Variants in COL19A1 observed in about 807,000 individuals in gnomAD.
The protein encoded by COL19A1 is collagen alpha-1(XIX) chain.
COL19A1 carries 159 observed loss-of-function variants against 190.2 expected under a neutral mutation model. The ratio of observed to expected loss-of-function variants is 0.84; its 90% confidence interval spans 0.73 to 0.95. The LOEUF (loss-of-function observed/expected upper bound fraction) is 0.95. COL19A1 is among the 40% of genes least tolerant of loss of function. COL19A1 has a pLI of 0.00. For synonymous variants in COL19A1, 509 were observed against 458.9 expected (o/e 1.11, Z -1.39); for missense variants, 1,418 against 1,431.9 (o/e 0.99, Z 0.16).
intron 12 of COL19A1, among the ~76,000 whole-genome samples, chr6:70,028,967 G>T (rs939757999): frequency 2.6e-5 from 4 of 152,052 alleles, no homozygotes; most frequent in Admixed American, 1.3e-4. Flanking sequence ...TAGAAAAGTA[G>T]ACTTAATTGT....
chr6:70,204,509 C>G (rs1383441525), intron 49 of COL19A1, among the ~76,000 whole-genome samples: 1 of 152,176 alleles, frequency 6.6e-6, no homozygotes, highest in African/African-American at 2.4e-5. Context: ...GAAATTGTTA[C>G]ATTTGACAGG....
intron 17 of COL19A1, among the ~76,000 whole-genome samples, chr6:70,123,092 A>G (rs1369059947): frequency 6.6e-6 from 1 of 152,186 alleles, no homozygotes; most frequent in Non-Finnish European, 1.5e-5. Context: ...ATCTACAATG[A>G]ACTCAAACAA....
intron 49 of COL19A1, among the ~76,000 whole-genome samples, chr6:70,201,759 T>G (rs1042590672): frequency 6.6e-6 from 1 of 152,220 alleles, no homozygotes; most frequent in Admixed American, 6.5e-5. Flanking sequence ...ATGTGTTTCT[T>G]AAAAATATTT....
intron 1 of COL19A1, among the ~76,000 whole-genome samples, chr6:69,869,421 A>G (rs1046743425): frequency 6.6e-6 from 1 of 152,240 alleles, no homozygotes; most frequent in Non-Finnish European, 1.5e-5. Context: ...AGAGTGGACT[A>G]TTAGGCCTCT....
chr6:69,939,043 T>A, intron 9 of COL19A1, among the ~76,000 whole-genome samples: 1 of 151,982 alleles, frequency 6.6e-6, no homozygotes, highest in East Asian at 1.9e-4. Context: ...AAATGACTGA[T>A]CCCTCAAAGC....
In COL19A1 at chr6:69,899,011, T is replaced by C; in HGVS notation, c.155T>C (p.Leu52Pro). Residue 52 changes from leucine (L) to proline (P), a missense_variant, in exon 3 of 51, where the codon CTT (leucine) becomes CCT (proline). Leu to Pro is a moderately conservative substitution (Grantham distance 98, BLOSUM62 -3). Coordinates refer to ENST00000620364, the MANE Select transcript of COL19A1 (RefSeq NM_001858.6). Reference sequence around the variant, plus strand: ...CTGACATATGACAACATAAACAAACTTGAAGTTTCAGGTAGGCAATATAAT... The same window carrying C: ...CTGACATATGACAACATAAACAAACCTGAAGTTTCAGGTAGGCAATATAAT... Reference protein sequence around the residue: ...HQLTYDNINKLEVSGFDLGDS... With the variant: ...HQLTYDNINKPEVSGFDLGDS... 1.2e-6 allele frequency: 2 copies of C among 1,609,208 alleles called. No individual in the cohort carries two copies. The highest frequency in any genetic ancestry group is 1.7e-6 in the Non-Finnish European group (2 of 1,175,886).
rs760777481 is a variant in COL19A1, at chr6:70,156,320, A to G, written c.2189A>G (p.Asp730Gly). ...GKYDSMARKG[D>G]IGPRGPPGIP... Reference sequence around the variant, plus strand: ...TGTTCTTCCTCTGTCTTCTAGGGTGATATAGGGCCACGGGGTCCTCCAGGA... The same window carrying G: ...TGTTCTTCCTCTGTCTTCTAGGGTGGTATAGGGCCACGGGGTCCTCCAGGA... The change falls in exon 33 of 51, where the codon GAT (aspartate) becomes GGT (glycine). Residue 730 changes from aspartate (D) to glycine (G), a missense_variant. Physicochemically the swap from Asp to Gly is moderately conservative, Grantham distance 94. Coordinates refer to ENST00000620364, the MANE Select transcript of COL19A1 (RefSeq NM_001858.6). 8.7e-6 allele frequency: 14 copies of G among 1,613,354 alleles called. No individual in the cohort carries two copies. Among genetic ancestry groups the G allele is most frequent in the Non-Finnish European group, 1.1e-5 (13 of 1,179,572 alleles).
chr6:70,035,139 G>A (rs910735715), intron 13 of COL19A1, among the ~76,000 whole-genome samples: 1 of 152,168 alleles, frequency 6.6e-6, no homozygotes, highest in Non-Finnish European at 1.5e-5. Context: ...ACGCTATACA[G>A]TACAGGGCTT....
At chr6:70,184,997 T>C (rs561790404) in intron 46 of COL19A1, 82 bp downstream of exon 46, 7 of 1,336,206 alleles carry the variant, frequency 5.2e-6, no homozygotes, top group East Asian at 2.4e-5. Context: ...ATTATGTGTG[T>C]AGACCCCTGC....
At chr6:70,190,537 T>C (rs887497747) in intron 48 of COL19A1, among the ~76,000 whole-genome samples, 156 bp downstream of exon 48, 41 of 152,160 alleles carry the variant, frequency 2.7e-4, no homozygotes, top group African/African-American at 9.7e-4. Flanking sequence ...TTGATGAAAA[T>C]TCTTCTTTAT....
At chr6:70,153,646 T>C (rs73469859) in intron 31 of COL19A1, among the ~76,000 whole-genome samples, 30 of 149,042 alleles carry the variant, frequency 2.0e-4, no homozygotes, top group African/African-American at 3.0e-4. Context: ...TTGCTCCATA[T>C]TGATATGCCA....
intron 4 of COL19A1, among the ~76,000 whole-genome samples, chr6:69,922,466 A>G (rs1772041628): frequency 6.8e-6 from 1 of 147,030 alleles, no homozygotes; most frequent in African/African-American, 2.5e-5. Flanking sequence ...TCGAAAAATA[A>G]TTCTATTTAG....
At chr6:69,942,344 AC>A (rs1773526553) in intron 9 of COL19A1, among the ~76,000 whole-genome samples, 1 of 152,248 alleles carries the variant, frequency 6.6e-6, no homozygotes, top group African/African-American at 2.4e-5. Context: ...CATGTCCATC[AC>A]CTCAAATATT....
At chr6:70,008,334 A>G (rs1420349365) in intron 11 of COL19A1, among the ~76,000 whole-genome samples, 2 of 151,850 alleles carry the variant, frequency 1.3e-5, no homozygotes, top group African/African-American at 4.8e-5. Flanking sequence ...AAAAATTACC[A>G]GTAACTACAA....
At chr6:70,032,179 C>G (rs1779112315) in intron 12 of COL19A1, among the ~76,000 whole-genome samples, 1 of 152,080 alleles carries the variant, frequency 6.6e-6, no homozygotes, top group Non-Finnish European at 1.5e-5. Context: ...AGGCCAAAGA[C>G]TTAGACATCA....
intron 7 of COL19A1, among the ~76,000 whole-genome samples, chr6:69,935,327 T>G (rs1298222660): frequency 6.8e-6 from 1 of 147,116 alleles, no homozygotes; most frequent in Admixed American, 6.7e-5. Context: ...AGGTTTATGG[T>G]GAAGCCTGAG....
At chr6:70,145,318 A>C (rs1236125587) in intron 25 of COL19A1, among the ~76,000 whole-genome samples, 1 of 152,182 alleles carries the variant, frequency 6.6e-6, no homozygotes, top group African/African-American at 2.4e-5. Flanking sequence ...AATGTGATAC[A>C]TACAACCATG....
In COL19A1 at chr6:70,053,754, AAATTGCCAGCATATATT is replaced by A. The variant is rs559101444; in HGVS notation, c.1171-14668_1171-14652del. On this transcript the variant is annotated intron_variant, in intron 14 of 50. Transcript: ENST00000620364. Reference sequence around the variant, plus strand: ...CGTTCAGTCTTTTTTGTCAATATAAAAATTGCCAGCATATATTTTTCCATTTAACACCCACAAATTGT... The same window carrying A: ...CGTTCAGTCTTTTTTGTCAATATAAATTTCCATTTAACACCCACAAATTGT... Among the ~76,000 whole-genome samples the A allele has an allele frequency of 3.7e-3, 561 of 152,316 alleles. 11 individuals carry two copies. The highest frequency in any genetic ancestry group is 0.013 in the African/African-American group (532 of 41,582).
At chr6:69,949,359 G>C (rs1380722531) in intron 9 of COL19A1, among the ~76,000 whole-genome samples, 3 of 151,720 alleles carry the variant, frequency 2.0e-5, no homozygotes, top group Non-Finnish European at 4.4e-5. Flanking sequence ...GCTGTTAAAG[G>C]GGTGTGACAC....
Sources: gnomAD v4.1 joint callset for allele counts (sites outside exome capture counted in the v4.1 genomes callset) on GRCh38, gnomAD v4.1.1 for gene constraint, MANE v1.5 for transcripts, NCBI Gene and HGNC (gene_info 2026-07-23, HGNC 2026-07-21) for gene names.